STXBP5L: variants seen among roughly 807,000 people sequenced by gnomAD.
STXBP5L encodes syntaxin binding protein 5L.
Under a neutral mutation model 144.5 loss-of-function variants are expected in STXBP5L, and 65 were observed. The observed-to-expected ratio is 0.45, with a 90% CI of 0.37 to 0.55. STXBP5L has a LOEUF of 0.55. STXBP5L is among the 20% of genes least tolerant of loss of function. The pLI is 0.00. For synonymous variants in STXBP5L, 505 were observed against 469.6 expected, an observed-to-expected ratio of 1.08 and a Z score of -0.97; for missense variants, 1,298 against 1,405.5, an observed-to-expected ratio of 0.92 and a Z score of 1.22.
Position 121,205,907 on chromosome 3 carries a change from TA to T in STXBP5L, c.878-15del, listed in dbSNP as rs761223707. ...ATAATTTAAATTAGATTCAATTAAATATTTTTTTTCTTTAGGAAAAAGTCAA... is the reference window on the plus strand; with the variant it reads ...ATAATTTAAATTAGATTCAATTAAATTTTTTTTTCTTTAGGAAAAAGTCAA... On this transcript the variant is annotated splice_polypyrimidine_tract_variant and intron_variant, in intron 9 of 26. Transcript: ENST00000471454. 4.9e-5 allele frequency: 66 copies of T among 1,334,318 alleles called. No homozygotes were observed. The highest frequency in any genetic ancestry group is 4.4e-4 in the African/African-American group (29 of 65,830). The allele number at this position is 1,334,318 out of a possible 1,614,324, so 82.7% of individuals were successfully genotyped here.
intron 5 of STXBP5L, chr3:121,099,738 T>A (rs1374195219): frequency 6.5e-6 from 1 of 152,674 alleles, no homozygotes; most frequent in Non-Finnish European, 1.5e-5. Flanking sequence ...CCCTGCAAAT[T>A]TAAGGAATGT....
intron 7 of STXBP5L, among the ~76,000 whole-genome samples, chr3:121,125,217 C>T (rs2044651361): frequency 6.6e-6 from 1 of 152,072 alleles, no homozygotes; most frequent in Admixed American, 6.6e-5. Context: ...ACCTGTAATT[C>T]CAGCACTTTG....
At chr3:121,167,568 C>A (rs1443429914) in intron 9 of STXBP5L, among the ~76,000 whole-genome samples, 1 of 152,078 alleles carries the variant, frequency 6.6e-6, no homozygotes, top group Non-Finnish European at 1.5e-5. Flanking sequence ...CCAAGAAGTT[C>A]AAACTGGGTG....
At chr3:120,939,873 AG>A (rs1341220275) in intron 2 of STXBP5L, among the ~76,000 whole-genome samples, 3 of 152,134 alleles carry the variant, frequency 2.0e-5, no homozygotes, top group Non-Finnish European at 4.4e-5. Context: ...AAAATGATCT[AG>A]TTCACTCTTT....
In STXBP5L at chr3:121,370,593, A is replaced by G. The variant is rs146209016; in HGVS notation, c.2177-8123A>G. ...TGGACTAATACAGATGATATCATAA[A>G]TGTGTTTTCTATGTTGCTTCCATTC... is the stretch of plus-strand genomic sequence containing the variant. On this transcript the variant is annotated intron_variant, in intron 20 of 26. Coordinates refer to ENST00000471454, the MANE Select transcript of STXBP5L (RefSeq NM_001308330.2). Among the ~76,000 whole-genome samples, 19 of 152,334 alleles carry G rather than the reference A, an allele frequency of 1.2e-4. No homozygotes were observed. The East Asian group carries it at 3.5e-3, about 28-fold the overall frequency.
chr3:121,121,540 G>T, intron 6 of STXBP5L, 101 bp from the exon 7 acceptor site: 2 of 796,974 alleles, frequency 2.5e-6, no homozygotes, highest in East Asian at 5.3e-5. Flanking sequence ...TAGAATGGTG[G>T]GATTTTATTC....
At chr3:121,274,027 A>G (rs2050805645) in intron 18 of STXBP5L, among the ~76,000 whole-genome samples, 1 of 152,204 alleles carries the variant, frequency 6.6e-6, no homozygotes, top group Non-Finnish European at 1.5e-5. Context: ...TTGAATTTGA[A>G]AAATAATTAT....
chr3:120,955,058 A>G (rs775399467), intron 3 of STXBP5L, 21 bp downstream of exon 3: 1 of 1,540,224 alleles, frequency 6.5e-7, no homozygotes, highest in Non-Finnish European at 9.0e-7. Context: ...ATTTTGGTTC[A>G]TTATCTGCCA....
intron 2 of STXBP5L, among the ~76,000 whole-genome samples, chr3:120,920,061 AC>A (rs1709287955): frequency 6.6e-6 from 1 of 151,824 alleles, no homozygotes; most frequent in Admixed American, 6.6e-5. Context: ...AAATAAAAGA[AC>A]CTGGAAAATG....
At chr3:121,413,401 AT>A in intron 24 of STXBP5L, 78 bp downstream of exon 24, 1 of 1,304,496 alleles carries the variant, frequency 7.7e-7, no homozygotes, top group Non-Finnish European at 1.0e-6. Flanking sequence ...AAACAAAAAT[AT>A]TATTAGGTCA....
chr3:121,160,902 T>A (rs2046301156), intron 9 of STXBP5L, among the ~76,000 whole-genome samples: 1 of 152,164 alleles, frequency 6.6e-6, no homozygotes. Context: ...TATACTTCCT[T>A]AACTATTCAA....
At chr3:121,053,512 A>G (rs1948195964) in intron 5 of STXBP5L, among the ~76,000 whole-genome samples, 1 of 152,246 alleles carries the variant, frequency 6.6e-6, no homozygotes, top group Admixed American at 6.5e-5. Context: ...TATTTAATAA[A>G]TGGTGCTGGG....
At chr3:121,182,122 A>G (rs1405670066) in intron 9 of STXBP5L, among the ~76,000 whole-genome samples, 5 of 152,220 alleles carry the variant, frequency 3.3e-5, no homozygotes, top group Non-Finnish European at 7.3e-5. Flanking sequence ...TCATCAAGAC[A>G]GAAAGACATC....
intron 4 of STXBP5L, among the ~76,000 whole-genome samples, chr3:121,044,887 T>G (rs1297595187): frequency 6.6e-6 from 1 of 152,172 alleles, no homozygotes; most frequent in Non-Finnish European, 1.5e-5. Flanking sequence ...ATGTTTTCTT[T>G]TATTATGGAT....
At chr3:121,125,110 C>T (rs1159680324) in intron 7 of STXBP5L, among the ~76,000 whole-genome samples, 1 of 152,060 alleles carries the variant, frequency 6.6e-6, no homozygotes, top group Non-Finnish European at 1.5e-5. Context: ...GGGAAAGCTT[C>T]CCTTGGAAGC....
intron 22 of STXBP5L, among the ~76,000 whole-genome samples, chr3:121,394,602 G>GT (rs373859677): frequency 0.39 from 38,811 of 99,776 alleles, 8,997 homozygotes; most frequent in East Asian, 0.54. Flanking sequence ...TTTGTTGAGG[G>GT]TTTTTTTTTT....
chr3:121,418,923 CAAAAT>C lies in STXBP5L; in HGVS notation c.3448-128_3448-124del. On this transcript the variant is annotated intron_variant, in intron 26 of 26. Coordinates refer to ENST00000471454, the MANE Select transcript of STXBP5L (RefSeq NM_001308330.2). Reference sequence around the variant, plus strand: ...TCTTTCTCATATGCACTTTATTTCACAAAATAAAAGAAGCCACTCAGTTTGATTAT... The same window carrying C: ...TCTTTCTCATATGCACTTTATTTCACAAAAGAAGCCACTCAGTTTGATTAT... 3 of 932,620 alleles carry C rather than the reference CAAAAT, an allele frequency of 3.2e-6. No individual in the cohort carries two copies. In the East Asian group the frequency reaches 7.9e-5, roughly 24 times the overall value. The allele number at this position is 932,620 out of a possible 1,614,324, so 57.8% of individuals were successfully genotyped here. A position where few individuals can be genotyped will look rare whatever the true frequency, so the allele number is the denominator to read the frequency against.
chr3:121,413,352 G>A, intron 24 of STXBP5L, 29 bp downstream of exon 24: 2 of 1,503,240 alleles, frequency 1.3e-6, no homozygotes, highest in Non-Finnish European at 1.8e-6. Context: ...TTATGAAAAA[G>A]ACATTGGACA....
intron 9 of STXBP5L, among the ~76,000 whole-genome samples, chr3:121,181,749 A>G (rs1399329385): frequency 6.6e-6 from 1 of 152,116 alleles, no homozygotes; most frequent in Non-Finnish European, 1.5e-5. Flanking sequence ...AAGAAAACAA[A>G]AAACAAACAA....
Sources: gnomAD v4.1 joint callset for allele counts (sites outside exome capture counted in the v4.1 genomes callset) on GRCh38, gnomAD v4.1.1 for gene constraint, MANE v1.5 for transcripts, NCBI Gene and HGNC (gene_info 2026-07-23, HGNC 2026-07-21) for gene names.